The following ROBO2 variants were observed in gnomAD, a reference collection of about 807,000 sequenced individuals.
ROBO2 encodes roundabout guidance receptor 2, also known as roundabout homolog 2.
ROBO2 carries 53 observed loss-of-function variants against 160.8 expected under a neutral mutation model. That is an observed-to-expected ratio of 0.33 (90% CI 0.26 to 0.41). The LOEUF (loss-of-function observed/expected upper bound fraction) is 0.41. Among genes scored for constraint, ROBO2 ranks in the 10% least tolerant of loss-of-function variants. The probability of loss-of-function intolerance (pLI) is 1.00; values close to 1 mark genes in which losing one functional copy is unlikely to be tolerated. For synonymous variants in ROBO2, 664 were observed against 611.7 expected (o/e 1.09, Z -1.26); for missense variants, 1,577 against 1,722.4 (o/e 0.92, Z 1.49).
At chr3:77,365,301 T>C (rs1481059466) in intron 2 of ROBO2, among the ~76,000 whole-genome samples, 4 of 152,204 alleles carry the variant, frequency 2.6e-5, no homozygotes, top group Non-Finnish European at 4.4e-5. Context: ...GGAGGGTTTA[T>C]GGCAGCTGAA....
At chr3:76,239,592 G>T (rs1705167951) in intron 2 of ROBO2, among the ~76,000 whole-genome samples, 1 of 152,122 alleles carries the variant, frequency 6.6e-6, no homozygotes, top group Admixed American at 6.5e-5. Flanking sequence ...TATAGCACAT[G>T]ATCTGTGATT....
intron 2 of ROBO2, among the ~76,000 whole-genome samples, chr3:77,021,658 G>T (rs1295068976): frequency 6.6e-6 from 1 of 152,182 alleles, no homozygotes; most frequent in Non-Finnish European, 1.5e-5. Flanking sequence ...AAATTTAATT[G>T]CTGTTGTAAT....
chr3:76,607,258 G>A (rs982409518), intron 2 of ROBO2, among the ~76,000 whole-genome samples: 1 of 151,924 alleles, frequency 6.6e-6, no homozygotes, highest in East Asian at 1.9e-4. Flanking sequence ...TGAACTCCTG[G>A]ACATGAGCAA....
intron 2 of ROBO2, among the ~76,000 whole-genome samples, chr3:77,002,300 G>A (rs954222859): frequency 1.1e-4 from 17 of 151,526 alleles, no homozygotes; most frequent in African/African-American, 4.1e-4. Flanking sequence ...CACATAAAAT[G>A]TTTCTTTCTC....
intron 2 of ROBO2, among the ~76,000 whole-genome samples, chr3:76,705,134 C>T (rs1438695342): frequency 1.3e-5 from 2 of 152,002 alleles, no homozygotes; most frequent in Non-Finnish European, 2.9e-5. Context: ...CTGGATTTGG[C>T]CCACAGGTAT....
intron 1 of ROBO2, among the ~76,000 whole-genome samples, chr3:75,916,928 A>G (rs2106788836): frequency 6.6e-6 from 1 of 152,262 alleles, no homozygotes; most frequent in East Asian, 1.9e-4. Context: ...TTTAACATAT[A>G]TTCACACTCA....
At chr3:76,792,008 T>G (rs948372830) in intron 2 of ROBO2, among the ~76,000 whole-genome samples, 1 of 151,974 alleles carries the variant, frequency 6.6e-6, no homozygotes, top group Non-Finnish European at 1.5e-5. Context: ...ATTTTGGCTG[T>G]CACATTACCT....
intron 2 of ROBO2, among the ~76,000 whole-genome samples, chr3:76,612,673 G>A (rs1299965943): frequency 6.6e-6 from 1 of 151,958 alleles, no homozygotes. Context: ...GTAAGAAACT[G>A]GCATGTTCTG....
intron 2 of ROBO2, among the ~76,000 whole-genome samples, chr3:76,978,530 A>G (rs1200683022): frequency 6.6e-6 from 1 of 152,158 alleles, no homozygotes. Context: ...CTCTTTTGCC[A>G]GATGAGAACT....
chr3:77,623,136 C>T (rs561536257), intron 23 of ROBO2, among the ~76,000 whole-genome samples: 1 of 152,184 alleles, frequency 6.6e-6, no homozygotes, highest in Admixed American at 6.5e-5. Flanking sequence ...TTAAAGAAAA[C>T]TTTAAATCCT....
chr3:77,140,754 C>T (rs1475064384), intron 2 of ROBO2, among the ~76,000 whole-genome samples: 1 of 152,112 alleles, frequency 6.6e-6, no homozygotes, highest in Admixed American at 6.5e-5. Context: ...CTACTGATGG[C>T]GTCCCTTTCT....
In ROBO2 at chr3:77,040,705, C is replaced by CT. The variant is rs1378134607; in HGVS notation, c.-74dup. 30 of 1,609,950 alleles carry CT rather than the reference C, an allele frequency of 1.9e-5. No individual in the cohort carries two copies. The African/African-American group carries it at 2.7e-4, about 14-fold the overall frequency. ...GAAAGTCTAAACTTTGGACCTACCTCTTTTTTTGATACTCATTTTTGTACT... is the reference window on the plus strand; with the variant it reads ...GAAAGTCTAAACTTTGGACCTACCTCTTTTTTTTGATACTCATTTTTGTACT... On this transcript the variant is annotated 5_prime_UTR_variant, in exon 1 of 26. Coordinates refer to ENST00000461745, the Ensembl canonical transcript of ROBO2.
chr3:77,374,336 T>A (rs2072320585), intron 2 of ROBO2, among the ~76,000 whole-genome samples: 1 of 151,868 alleles, frequency 6.6e-6, no homozygotes, highest in African/African-American at 2.4e-5. Context: ...AAGAATGAAA[T>A]AATAAGTTGA....
chr3:77,641,142 G>C (rs952431036), intron 24 of ROBO2, among the ~76,000 whole-genome samples: 1 of 152,198 alleles, frequency 6.6e-6, no homozygotes, highest in African/African-American at 2.4e-5. Context: ...AAACTCATTG[G>C]ATTATCCAAC....
At chr3:76,929,017 G>A (rs1306449292) in intron 2 of ROBO2, among the ~76,000 whole-genome samples, 1 of 152,056 alleles carries the variant, frequency 6.6e-6, no homozygotes, top group Non-Finnish European at 1.5e-5. Context: ...CCCAAAACTA[G>A]GGGAGGCCAA....
chr3:77,115,634 G>A (rs902201737), intron 2 of ROBO2, among the ~76,000 whole-genome samples: 2 of 152,100 alleles, frequency 1.3e-5, no homozygotes, highest in East Asian at 1.9e-4. Context: ...TGAACTAACC[G>A]AACTTTTATA....
At chr3:77,477,602 G>C in intron 3 of ROBO2, 31 bp downstream of exon 3, 1 of 1,598,224 alleles carries the variant, frequency 6.3e-7, no homozygotes, top group Non-Finnish European at 8.6e-7. Context: ...GGCCCAGAGA[G>C]ATTGAATTTT....
intron 2 of ROBO2, among the ~76,000 whole-genome samples, chr3:77,213,447 C>G (rs568545896): frequency 6.6e-6 from 1 of 152,062 alleles, no homozygotes; most frequent in African/African-American, 2.4e-5. Flanking sequence ...TTTTTTATTG[C>G]ATCTATTTGA....
intron 2 of ROBO2, among the ~76,000 whole-genome samples, chr3:76,090,535 T>C (rs1006180871): frequency 4.6e-5 from 7 of 152,210 alleles, no homozygotes; most frequent in Non-Finnish European, 1.0e-4. Flanking sequence ...AGTTGATCTA[T>C]AGTTTCAACA....
Sources: allele counts gnomAD v4.1 joint callset (sites outside exome capture counted in the v4.1 genomes callset), GRCh38; gene constraint gnomAD v4.1.1; transcripts MANE v1.5; gene names NCBI Gene and HGNC (gene_info 2026-07-23, HGNC 2026-07-21).